The following ARHGEF28 variants were observed in gnomAD, a reference collection of about 807,000 sequenced individuals.
ARHGEF28 encodes the protein 190 kDa guanine nucleotide exchange factor.
Under a neutral mutation model 206.6 loss-of-function variants are expected in ARHGEF28, and 152 were observed. That is an observed-to-expected ratio of 0.74 (90% confidence interval 0.64 to 0.84). The LOEUF is 0.84. Among genes scored for constraint, ARHGEF28 ranks in the 40% least tolerant of loss-of-function variants. The pLI, the probability that ARHGEF28 is intolerant of heterozygous loss-of-function variation, is 0.00. For missense variants in ARHGEF28, 2,028 were observed against 2,073.2 expected, an observed-to-expected ratio of 0.98 and a Z score of 0.42; for synonymous variants, 763 against 776.4, an observed-to-expected ratio of 0.98 and a Z score of 0.29.
intron 7 of ARHGEF28, among the ~76,000 whole-genome samples, chr5:73,791,900 T>G (rs1309493891): frequency 6.6e-6 from 1 of 152,246 alleles, no homozygotes; most frequent in African/African-American, 2.4e-5. Context: ...GTAGAGTTAC[T>G]GATACCATTA....
intron 35 of ARHGEF28, among the ~76,000 whole-genome samples, chr5:73,924,698 A>G (rs1158231371): frequency 1.3e-5 from 2 of 152,146 alleles, no homozygotes; most frequent in African/African-American, 2.4e-5. Flanking sequence ...AGTATTAGGT[A>G]TTATATAAGA....
At chr5:73,785,892 C>T (rs896233916) in intron 7 of ARHGEF28, among the ~76,000 whole-genome samples, 2 of 151,920 alleles carry the variant, frequency 1.3e-5, no homozygotes, top group Admixed American at 6.6e-5. Flanking sequence ...GTGGCTTCCC[C>T]TTTGTGATTC....
intron 2 of ARHGEF28, among the ~76,000 whole-genome samples, chr5:73,720,374 G>A (rs916781133): frequency 2.0e-5 from 3 of 152,138 alleles, no homozygotes; most frequent in Admixed American, 1.3e-4. Context: ...AGGGAAAATG[G>A]TAGTTTGACG....
At chr5:73,821,140 C>T (rs568795368) in intron 9 of ARHGEF28, among the ~76,000 whole-genome samples, 3 of 152,118 alleles carry the variant, frequency 2.0e-5, no homozygotes, top group South Asian at 4.2e-4. Flanking sequence ...GGTAGTATCT[C>T]GGAGTTGCTC....
Position 73,873,216 on chromosome 5 carries a change from C to A in ARHGEF28, c.2784C>A (p.Ile928=). ...CTGGCAGCGACAGGAATTTTGTGAT[C>A]GACCGAATTGGAGATATTTTGGTAC... ...SCAGSDRNFV[I]DRIGDILVQQ... is the part of the protein sequence containing the mutation. Residue 928 remains isoleucine, a synonymous_variant, in exon 22 of 36, where the codon ATC becomes ATA. Coordinates refer to ENST00000513042, the MANE Select transcript of ARHGEF28 (RefSeq NM_001177693.2). The A allele has an allele frequency of 6.2e-7, 1 of 1,611,256 alleles. No individual in the cohort carries two copies. The highest frequency in any genetic ancestry group is 1.3e-5 in the African/African-American group (1 of 74,970).
At chr5:73,702,572 T>C (rs1324637418) in intron 2 of ARHGEF28, among the ~76,000 whole-genome samples, 2 of 152,232 alleles carry the variant, frequency 1.3e-5, no homozygotes, top group African/African-American at 4.8e-5. Flanking sequence ...GTAGAATTGC[T>C]GGATCATATG....
chr5:73,883,892 G>A lies in ARHGEF28; in HGVS notation c.3055+8G>A. The A allele has an allele frequency of 6.7e-7, 1 of 1,490,252 alleles. No individual in the cohort carries two copies. Among genetic ancestry groups the A allele is most frequent in the Non-Finnish European group, 9.0e-7 (1 of 1,112,818 alleles). 92.3% of individuals were successfully genotyped at this position (1,490,252 alleles called of 1,614,324 possible). ...TATTGCAGTACACAAAGGGTAAGTTGTGACTTCTGGGATAAAAATTTGCCC... is the reference window on the plus strand; with the variant it reads ...TATTGCAGTACACAAAGGGTAAGTTATGACTTCTGGGATAAAAATTTGCCC... On this transcript the variant is annotated splice_region_variant and intron_variant, in intron 24 of 35. Transcript: ENST00000513042.
In ARHGEF28 at chr5:73,820,685, G is replaced by A. The variant is rs537514918; in HGVS notation, c.1025-11653G>A. Among the ~76,000 whole-genome samples the A allele has an allele frequency of 5.9e-5, 9 of 152,232 alleles. No individual in the cohort carries two copies. In the South Asian group the frequency reaches 1.5e-3, roughly 25 times the overall value. ...TGACCTAGATGCTTCCCCCAGAAAC[G>A]TCTGCCATCTGGTCTCTTCCTTCGC... On this transcript the variant is annotated intron_variant, in intron 9 of 35. Transcript: ENST00000513042.
chr5:73,882,670 T>A, intron 23 of ARHGEF28, 76 bp downstream of exon 23: 1 of 1,297,314 alleles, frequency 7.7e-7, no homozygotes, highest in Non-Finnish European at 1.0e-6. Context: ...CTTAATGATT[T>A]AAACAAATTT....
intron 9 of ARHGEF28, among the ~76,000 whole-genome samples, chr5:73,804,923 A>G (rs1755351789): frequency 6.6e-6 from 1 of 152,200 alleles, no homozygotes; most frequent in South Asian, 2.1e-4. Flanking sequence ...TAGCCCACAC[A>G]TAAGGAAAAA....
At position 73,897,975 on chromosome 5, in the gene ARHGEF28, A is replaced by T. The variant is rs1299643004; in HGVS notation, c.3855A>T (p.Gln1285His). Residue 1285 changes from glutamine to histidine, a missense_variant, in exon 30 of 36, where the codon CAA (glutamine) becomes CAT (histidine). This residue lies in a region of ARHGEF28 where 803 missense variants were observed against 768.0 expected (regional missense o/e 1.05). Coordinates refer to ENST00000513042, the MANE Select transcript of ARHGEF28 (RefSeq NM_001177693.2). ...TCTCCATCTTAGCTGAGAGCCTACA[A>T]GTTGCAGTGAAGGCCTCACAGATGG... ...AAALKEAESL[Q>H]VAVKASQMGA... 1 of 1,582,560 alleles carries T rather than the reference A, an allele frequency of 6.3e-7. No homozygotes were observed. The highest frequency in any genetic ancestry group is 1.3e-5 in the African/African-American group (1 of 74,288).
chr5:73,636,421 A>G (rs1428781818), intron 1 of ARHGEF28, among the ~76,000 whole-genome samples: 9 of 152,258 alleles, frequency 5.9e-5, no homozygotes, highest in Non-Finnish European at 1.2e-4. Flanking sequence ...CGTATTAAAA[A>G]TAAAGAGTAA....
intron 2 of ARHGEF28, among the ~76,000 whole-genome samples, chr5:73,738,371 A>G (rs967088522): frequency 6.6e-6 from 1 of 152,084 alleles, no homozygotes; most frequent in Non-Finnish European, 1.5e-5. Flanking sequence ...CTTCTTTCAG[A>G]TCTCTAAATT....
rs754948496 is a variant in ARHGEF28 at position 73,873,187 on chromosome 5, T to C, written c.2755T>C (p.Cys919Arg). The change falls in exon 22 of 36, where the codon TGT (cysteine) becomes CGT (arginine). Residue 919 changes from cysteine (C) to arginine (R), a missense_variant. Physicochemically the swap from Cys to Arg is radical, Grantham distance 180 (BLOSUM62 -3). Transcript: ENST00000513042. ...TATGAAGGAACGAAGGCAGGAATCCTGTGCTGGCAGCGACAGGAATTTTGT... is the reference window on the plus strand; with the variant it reads ...TATGAAGGAACGAAGGCAGGAATCCCGTGCTGGCAGCGACAGGAATTTTGT... ...YSMKERRQES[C>R]AGSDRNFVID... 2 of 1,612,252 alleles carry C rather than the reference T, an allele frequency of 1.2e-6. No homozygotes were observed. The highest frequency in any genetic ancestry group is 1.7e-6 in the Non-Finnish European group (2 of 1,179,202).
chr5:73,683,892 T>A (rs1193980579), intron 1 of ARHGEF28, among the ~76,000 whole-genome samples: 1 of 152,206 alleles, frequency 6.6e-6, no homozygotes, highest in Non-Finnish European at 1.5e-5. Flanking sequence ...TTCTGAAATA[T>A]TTTTATTTTA....
At chr5:73,676,574 A>G (rs939149370) in intron 1 of ARHGEF28, among the ~76,000 whole-genome samples, 25 of 152,172 alleles carry the variant, frequency 1.6e-4, no homozygotes, top group African/African-American at 6.0e-4. Flanking sequence ...TGTGAGGGTC[A>G]TTTTTATTAG....
At chr5:73,837,331 T>C (rs906203464) in intron 10 of ARHGEF28, among the ~76,000 whole-genome samples, 2 of 152,190 alleles carry the variant, frequency 1.3e-5, no homozygotes, top group African/African-American at 4.8e-5. Context: ...TTCTAATCCA[T>C]GAACATAGGA....
intron 1 of ARHGEF28, among the ~76,000 whole-genome samples, chr5:73,658,531 G>C (rs938550142): frequency 6.6e-6 from 1 of 152,220 alleles, no homozygotes; most frequent in Non-Finnish European, 1.5e-5. Context: ...AGCCAGAAAG[G>C]AAGAGTTTCA....
At chr5:73,788,911 A>G (rs1754308007) in intron 7 of ARHGEF28, among the ~76,000 whole-genome samples, 1 of 150,768 alleles carries the variant, frequency 6.6e-6, no homozygotes, top group Non-Finnish European at 1.5e-5. Flanking sequence ...TGCTTTAGAG[A>G]TTTCTATGGT....
Sources: gnomAD v4.1 joint callset for allele counts (sites outside exome capture counted in the v4.1 genomes callset) on GRCh38, gnomAD v4.1.1 for gene constraint, gnomAD v4.1.1 regional missense constraint, MANE v1.5 for transcripts, NCBI Gene and HGNC (gene_info 2026-07-23, HGNC 2026-07-21) for gene names.